The following SLC35F4 variants were observed in gnomAD, a reference collection of about 807,000 sequenced individuals.
The protein encoded by SLC35F4 is chromosome 14 open reading frame 36.
SLC35F4 carries 24 observed loss-of-function variants against 44.2 expected under a neutral mutation model. The ratio of observed to expected loss-of-function variants is 0.54; its 90% CI spans 0.39 to 0.76. The LOEUF (loss-of-function observed/expected upper bound fraction) is 0.76. Ranked by LOEUF, SLC35F4 falls within the 30% of genes least tolerant of loss-of-function variation. SLC35F4 has a pLI of 0.00. For missense variants in SLC35F4, 562 were observed against 586.1 expected, an observed-to-expected ratio of 0.96 and a Z score of 0.42; for synonymous variants, 238 against 223.6, an observed-to-expected ratio of 1.06 and a Z score of -0.57.
downstream of SLC35F4, among the ~76,000 whole-genome samples, chr14:57,974,471 C>A (rs184171090): frequency 5.0e-3 from 764 of 152,322 alleles, 3 homozygotes; most frequent in African/African-American, 0.017. Flanking sequence ...CATCAATTAA[C>A]CTGTGGCCCT....
intron 1 of SLC35F4, among the ~76,000 whole-genome samples, chr14:57,887,179 G>C (rs1434591155): frequency 6.6e-6 from 1 of 152,192 alleles, no homozygotes; most frequent in Non-Finnish European, 1.5e-5. Context: ...GAGGCCCACA[G>C]TTCTGTAGTC....
At chr14:57,942,616 C>T (rs1317368592) in intron 1 of SLC35F4, among the ~76,000 whole-genome samples, 2 of 152,086 alleles carry the variant, frequency 1.3e-5, no homozygotes, top group Non-Finnish European at 2.9e-5. Context: ...TTATCAATAC[C>T]AACTAATACA....
chr14:57,678,457 T>C (rs977503900), intron 1 of SLC35F4, among the ~76,000 whole-genome samples: 4 of 151,914 alleles, frequency 2.6e-5, no homozygotes, highest in African/African-American at 9.7e-5. Context: ...AGAAAATGCA[T>C]TAACTAACAA....
intron 1 of SLC35F4, among the ~76,000 whole-genome samples, chr14:57,835,920 G>A (rs192374482): frequency 3.0e-4 from 46 of 152,294 alleles, no homozygotes; most frequent in African/African-American, 1.1e-3. Context: ...TTTGGGCTGA[G>A]AGTTAAAGAA....
intron 1 of SLC35F4, among the ~76,000 whole-genome samples, chr14:57,655,539 G>T (rs1034171962): frequency 6.6e-6 from 1 of 152,066 alleles, no homozygotes; most frequent in African/African-American, 2.4e-5. Context: ...TGCAGCAGGG[G>T]GTGTGTGGTG....
At chr14:57,733,680 A>G (rs2076400762) in intron 1 of SLC35F4, among the ~76,000 whole-genome samples, 1 of 152,076 alleles carries the variant, frequency 6.6e-6, no homozygotes, top group African/African-American at 2.4e-5. Flanking sequence ...TGAATTTCAA[A>G]CATTTTTATT....
intron 1 of SLC35F4, among the ~76,000 whole-genome samples, chr14:57,695,008 C>G (rs1042054370): frequency 6.6e-6 from 1 of 152,018 alleles, no homozygotes; most frequent in Non-Finnish European, 1.5e-5. Flanking sequence ...ACACGTTATA[C>G]AAAGATTAAT....
chr14:57,670,980 C>T (rs940470669), intron 1 of SLC35F4, among the ~76,000 whole-genome samples: 1 of 148,688 alleles, frequency 6.7e-6, no homozygotes, highest in African/African-American at 2.5e-5. Context: ...TCTCAGCTCA[C>T]TGCAACCTCC....
chr14:57,705,144 G>C (rs2075638135), intron 1 of SLC35F4, among the ~76,000 whole-genome samples: 1 of 152,142 alleles, frequency 6.6e-6, no homozygotes, highest in African/African-American at 2.4e-5. Context: ...TTGAATAGTG[G>C]CTGGTACAAA....
intron 1 of SLC35F4, among the ~76,000 whole-genome samples, chr14:57,648,259 C>G (rs1208102484): frequency 1.3e-5 from 2 of 152,010 alleles, no homozygotes; most frequent in African/African-American, 4.8e-5. Flanking sequence ...AAATATGGAC[C>G]TCAAAAATGG....
chr14:57,967,174 C>A (rs528433014), intron 1 of SLC35F4, among the ~76,000 whole-genome samples: 14 of 152,168 alleles, frequency 9.2e-5, no homozygotes, highest in South Asian at 6.2e-4. Context: ...CTTTTGCAAC[C>A]TTTAATCCAA....
chr14:57,580,824 G>T (rs563623697), intron 4 of SLC35F4, among the ~76,000 whole-genome samples: 3 of 151,790 alleles, frequency 2.0e-5, no homozygotes, highest in African/African-American at 7.2e-5. Flanking sequence ...TGGGGGGAAT[G>T]GGGGGTCATC....
chr14:57,565,700 A>G (rs1244737175), intron 7 of SLC35F4, among the ~76,000 whole-genome samples: 1 of 152,036 alleles, frequency 6.6e-6, no homozygotes, highest in Non-Finnish European at 1.5e-5. Context: ...ATTATTCTGT[A>G]GAGTTCCAAG....
At chr14:57,820,392 G>A (rs1032380689) in intron 1 of SLC35F4, among the ~76,000 whole-genome samples, 2 of 152,168 alleles carry the variant, frequency 1.3e-5, no homozygotes, top group African/African-American at 4.8e-5. Context: ...GTCTGGGTAA[G>A]AGAAAAATGG....
chr14:57,890,177 T>G (rs811590), intron 1 of SLC35F4, among the ~76,000 whole-genome samples: 24,664 of 152,170 alleles, frequency 0.16, 2,103 homozygotes, highest in South Asian at 0.22. Context: ...AACAACATGC[T>G]TTGGGTAGCC....
At chr14:57,617,821 A>C (rs955988381) in intron 1 of SLC35F4, among the ~76,000 whole-genome samples, 1 of 152,180 alleles carries the variant, frequency 6.6e-6, no homozygotes, top group East Asian at 1.9e-4. Flanking sequence ...ATTAATAGGG[A>C]ACCTGGGACT....
At position 57,564,135 on chromosome 14, in the gene SLC35F4, C is replaced by CT; in HGVS notation, c.1457dup (p.Ter486=). 6.2e-7 allele frequency: 1 copy of CT among 1,613,626 alleles called. No individual in the cohort carries two copies. The highest frequency in any genetic ancestry group is 1.1e-5 in the South Asian group (1 of 91,042). The change falls in exon 8 of 8, where the codon TAG becomes TAAG. Residue 486 remains the stop codon, a frameshift_variant and stop_retained_variant. Coordinates refer to ENST00000556826, the MANE Select transcript of SLC35F4 (RefSeq NM_001306087.2). LOFTEE classifies it high-confidence loss of function. ...ACGTGCATTCAAAATATGTCCCTCT[C>CT]TAAGCCAGTGGTATAGACACTGTCC... ...ANGTVSIPLA[*] is the part of the protein sequence containing the mutation.
chr14:57,669,416 A>T lies in SLC35F4; in HGVS notation c.104-75292T>A, dbSNP rs2074433279. 2.6e-5 allele frequency among the ~76,000 whole-genome samples: 4 copies of T among 152,120 alleles called. No individual in the cohort carries two copies. In the South Asian group the frequency reaches 8.3e-4, roughly 31 times the overall value. On this transcript the variant is annotated intron_variant, in intron 1 of 7. Coordinates refer to ENST00000556826, the MANE Select transcript of SLC35F4 (RefSeq NM_001306087.2). ...GCATCCCTGTCTTGTGCCAGTTTTG[A>T]AAAGGAATGCTTCCAGTTTTTGCCC...
intron 1 of SLC35F4, among the ~76,000 whole-genome samples, chr14:57,860,419 G>A (rs945237828): frequency 3.9e-5 from 6 of 152,146 alleles, no homozygotes; most frequent in Non-Finnish European, 7.3e-5. Flanking sequence ...TCCAGGGAAG[G>A]TGGGACTGTT....
Sources: allele counts gnomAD v4.1 joint callset (sites outside exome capture counted in the v4.1 genomes callset), GRCh38; gene constraint gnomAD v4.1.1; transcripts MANE v1.5; gene names NCBI Gene and HGNC (gene_info 2026-07-23, HGNC 2026-07-21).